DHX57: variants seen among roughly 807,000 people sequenced by gnomAD.
DHX57 encodes putative ATP-dependent RNA helicase DHX57.
Under a neutral mutation model 156.2 loss-of-function variants are expected in DHX57, and 105 were observed. That is an observed-to-expected ratio of 0.67 (90% CI 0.57 to 0.79). The LOEUF (loss-of-function observed/expected upper bound fraction) is 0.79. Ranked by LOEUF, DHX57 falls within the 30% of genes least tolerant of loss-of-function variation. The pLI, the probability that DHX57 is intolerant of heterozygous loss-of-function variation, is 0.00. For synonymous variants in DHX57, 704 were observed against 595.6 expected, an observed-to-expected ratio of 1.18 and a Z score of -2.65; for missense variants, 1,847 against 1,661.9, an observed-to-expected ratio of 1.11 and a Z score of -1.94.
rs541175907 is a variant in DHX57, at chr2:38,826,553, C to T, written c.2776G>A (p.Val926Ile). Reference sequence around the variant, plus strand: ...ATTTTCCCAGAATCGATAACATAGACAACATCATCGATGGTTATGGATGTC... The same window carrying T: ...ATTTTCCCAGAATCGATAACATAGATAACATCATCGATGGTTATGGATGTC... ...AETSITIDDVVYVIDSGKMKE... is the reference protein window; with the variant it reads ...AETSITIDDVIYVIDSGKMKE... The change falls in exon 15 of 24, where the codon GTC (valine) becomes ATC (isoleucine). Residue 926 changes from valine to isoleucine, a missense_variant. Transcript: ENST00000457308. 5 of 1,613,990 alleles carry T rather than the reference C, an allele frequency of 3.1e-6. No homozygotes were observed. The highest frequency in any genetic ancestry group is 8.5e-7 in the Non-Finnish European group (1 of 1,180,014).
At chr2:38,811,291 A>C in intron 21 of DHX57, 1 of 521,732 alleles carries the variant, frequency 1.9e-6, no homozygotes. Context: ...AGGCGAGCTC[A>C]AACCAGACCT....
intron 21 of DHX57, chr2:38,811,699 C>G: frequency 1.1e-6 from 1 of 880,870 alleles, no homozygotes; most frequent in Non-Finnish European, 1.8e-6. Flanking sequence ...TGGAATCTGT[C>G]TTCATGGCTC....
Position 38,868,411 on chromosome 2 carries a change from C to A in DHX57, c.-6G>T. On this transcript the variant is annotated splice_region_variant and 5_prime_UTR_variant, in exon 2 of 24. Transcript: ENST00000457308. ...CTTCTTACTGAAGAACTCATTTTCACCTGCAAGAGAAAAAAATTAATGTAG... is the reference window on the plus strand; with the variant it reads ...CTTCTTACTGAAGAACTCATTTTCAACTGCAAGAGAAAAAAATTAATGTAG... The A allele has an allele frequency of 6.2e-7, 1 of 1,611,490 alleles. No homozygotes were observed. Among genetic ancestry groups the A allele is most frequent in the Non-Finnish European group, 8.5e-7 (1 of 1,179,786 alleles).
At position 38,875,821 on chromosome 2, in the gene DHX57, G is replaced by T; in HGVS notation, c.-41C>A. 2.6e-6 allele frequency: 1 copy of T among 388,830 alleles called. No homozygotes were observed. The highest frequency in any genetic ancestry group is 4.5e-6 in the Non-Finnish European group (1 of 220,312). 24.1% of individuals were successfully genotyped at this position (388,830 alleles called of 1,614,324 possible). A position where few individuals can be genotyped will look rare whatever the true frequency, so the allele number is the denominator to read the frequency against. ...AGAGTTGGGTCCCGAGCCGGCTGTC[G>T]GGAGGTGCTGCCCAAGGGTCAGAGG... On this transcript the variant is annotated 5_prime_UTR_variant, in exon 1 of 24. Coordinates refer to ENST00000457308, the MANE Select transcript of DHX57 (RefSeq NM_198963.3).
At chr2:38,818,450 C>T (rs567547904) in intron 19 of DHX57, among the ~76,000 whole-genome samples, 1 of 152,276 alleles carries the variant, frequency 6.6e-6, no homozygotes, top group Admixed American at 6.5e-5. Flanking sequence ...TCACTTGACC[C>T]TGGGAGGCGG....
rs1671774286 is a variant in DHX57, at chr2:38,838,025, C to A, written c.2426-78G>T. Reference sequence around the variant, plus strand: ...TTTTATTGTATATTTATACCATATACAATATGCCTGTGAATTAGGTGAGTG... The same window carrying A: ...TTTTATTGTATATTTATACCATATAAAATATGCCTGTGAATTAGGTGAGTG... On this transcript the variant is annotated intron_variant, in intron 12 of 23. Coordinates refer to ENST00000457308, the MANE Select transcript of DHX57 (RefSeq NM_198963.3). 11 of 901,020 alleles carry A rather than the reference C, an allele frequency of 1.2e-5. No homozygotes were observed. In the Admixed American group the frequency reaches 1.5e-4, roughly 12 times the overall value. The allele number at this position is 901,020 out of a possible 1,614,324, so 55.8% of individuals were successfully genotyped here.
rs148534351 is a variant in DHX57, at chr2:38,836,255, G to A, written c.2542+1576C>T. ...ATGTTTCCTTAATGTTGCAATGAGC[G>A]TGCCTGCCTCTTCTGCCTCCCCTTC... On this transcript the variant is annotated intron_variant, in intron 13 of 23. Coordinates refer to ENST00000457308, the MANE Select transcript of DHX57 (RefSeq NM_198963.3). Among the ~76,000 whole-genome samples, 1,103 of 152,084 alleles carry A rather than the reference G, an allele frequency of 7.3e-3. 4 individuals carry two copies. Among genetic ancestry groups the A allele is most frequent in the African/African-American group, 0.01 (433 of 41,468 alleles).
chr2:38,857,300 T>C (rs1361515405), intron 6 of DHX57, among the ~76,000 whole-genome samples: 2 of 152,204 alleles, frequency 1.3e-5, no homozygotes, highest in Non-Finnish European at 2.9e-5. Flanking sequence ...AAGCACTCAC[T>C]AAAGGGTTAT....
At position 38,835,989 on chromosome 2, in the gene DHX57, A is replaced by G. The variant is rs529210560; in HGVS notation, c.2542+1842T>C. On this transcript the variant is annotated intron_variant, in intron 13 of 23. Transcript: ENST00000457308. ...ATTAACAGAAGATGACTTGATGGAGATGAGTGCTTCTGAACCAGTGCCAGA... is the reference window on the plus strand; with the variant it reads ...ATTAACAGAAGATGACTTGATGGAGGTGAGTGCTTCTGAACCAGTGCCAGA... Among the ~76,000 whole-genome samples, 4 of 152,330 alleles carry G rather than the reference A, an allele frequency of 2.6e-5. No homozygotes were observed. In the South Asian group the frequency reaches 8.3e-4, roughly 32 times the overall value.
At chr2:38,801,326 G>A (rs1283859199) in intron 23 of DHX57, among the ~76,000 whole-genome samples, 5 of 147,700 alleles carry the variant, frequency 3.4e-5, no homozygotes, top group African/African-American at 1.3e-4. Context: ...CTGAAGCCTC[G>A]ACCTCTTGGG....
intron 12 of DHX57, among the ~76,000 whole-genome samples, chr2:38,842,418 G>A (rs1008893981): frequency 6.6e-6 from 1 of 152,178 alleles, no homozygotes; most frequent in African/African-American, 2.4e-5. Context: ...TATGGACTGT[G>A]AATTATATAA....
chr2:38,832,500 TTTCTC>T (rs1349221035), intron 13 of DHX57, among the ~76,000 whole-genome samples: 1 of 151,754 alleles, frequency 6.6e-6, no homozygotes, highest in Non-Finnish European at 1.5e-5. Context: ...GCCATTCTCA[TTTCTC>T]TTAAGTTCTT....
intron 8 of DHX57, 125 bp from the exon 9 acceptor site, chr2:38,854,303 G>A: frequency 1.1e-6 from 1 of 933,688 alleles, no homozygotes; most frequent in Non-Finnish European, 1.5e-6. Flanking sequence ...CCATTTAATA[G>A]GAAACCATAC....
chr2:38,820,943 G>A (rs373827469), intron 17 of DHX57, among the ~76,000 whole-genome samples: 140 of 149,004 alleles, frequency 9.4e-4, no homozygotes, highest in African/African-American at 3.1e-3. Flanking sequence ...TCAAGTATAC[G>A]TGGAACACCC....
At chr2:38,863,097 C>A (rs765242152) in intron 3 of DHX57, 157 of 354,928 alleles carry the variant, frequency 4.4e-4, no homozygotes, top group Non-Finnish European at 7.0e-4. Flanking sequence ...TGGAAGGTTA[C>A]AGATAAATCA....
At chr2:38,848,430 G>A (rs1222103083) in intron 9 of DHX57, 28 bp from the exon 10 acceptor site, 2 of 1,552,442 alleles carry the variant, frequency 1.3e-6, no homozygotes, top group African/African-American at 2.8e-5. Context: ...AACACCTGAG[G>A]ATCAAACAAA....
intron 20 of DHX57, among the ~76,000 whole-genome samples, chr2:38,814,210 T>G (rs1216823208): frequency 6.6e-6 from 1 of 152,214 alleles, no homozygotes; most frequent in African/African-American, 2.4e-5. Flanking sequence ...AGTACTGAGA[T>G]TACAGGCGTG....
Position 38,861,082 on chromosome 2 carries a change from G to C in DHX57, c.1328C>G (p.Pro443Arg). The change falls in exon 5 of 24, where the codon CCC becomes CGC. Residue 443 changes from proline (P) to arginine (R), a missense_variant. Pro to Arg is a moderately radical substitution (Grantham distance 103, BLOSUM62 -2). Coordinates refer to ENST00000457308, the MANE Select transcript of DHX57 (RefSeq NM_198963.3). ...AGGATTATTTATTCTGGTCCTAGAG[G>C]GTACTGGCAGAAAGTTCACAGGAGG... is the stretch of plus-strand genomic sequence containing the variant. The part of the protein sequence containing the change: ...SDPPVNFLPV[P>R]SRTRINNPAC... The C allele has an allele frequency of 1.2e-6, 2 of 1,614,192 alleles. No homozygotes were observed. The highest frequency in any genetic ancestry group is 3.3e-4 in the Middle Eastern group (2 of 6,062).
chr2:38,873,882 A>G (rs903949570), intron 1 of DHX57, among the ~76,000 whole-genome samples: 6 of 152,080 alleles, frequency 3.9e-5, no homozygotes, highest in African/African-American at 1.4e-4. Flanking sequence ...CCTCTTTGAG[A>G]TTTTAAAGGA....
Sources: gnomAD v4.1 joint callset for allele counts (sites outside exome capture counted in the v4.1 genomes callset) on GRCh38, gnomAD v4.1.1 for gene constraint, MANE v1.5 for transcripts, NCBI Gene and HGNC (gene_info 2026-07-23, HGNC 2026-07-21) for gene names.